Variants in PCDHGA6 observed in about 807,000 individuals in gnomAD.
The protein encoded by PCDHGA6 is protocadherin gamma subfamily A, 6, also known as protocadherin gamma-A6.
PCDHGA6 carries 41 observed loss-of-function variants against 60.6 expected under a neutral mutation model. The observed-to-expected ratio is 0.68, with a 90% CI of 0.53 to 0.88. The LOEUF (loss-of-function observed/expected upper bound fraction) is 0.88, where lower values mean the gene tolerates loss of function less well. PCDHGA6 is among the 40% of genes least tolerant of loss of function. The probability of loss-of-function intolerance (pLI) is 0.00; values close to 1 mark genes in which losing one functional copy is unlikely to be tolerated. For synonymous variants in PCDHGA6, 594 were observed against 524.4 expected (o/e 1.13, Z -1.81); for missense variants, 1,312 against 1,203.0 (o/e 1.09, Z -1.34).
At position 141,486,609 on chromosome 5, in the gene PCDHGA6, C is replaced by T; in HGVS notation, c.2425-8198C>T. The T allele has an allele frequency of 6.2e-7, 1 of 1,613,568 alleles. No homozygotes were observed. ...GGGGACCTGCTTTGCTCCCTTGCAG[C>T]CTCTGACCCAGACTCTGGCTTGAAT... On this transcript the variant is annotated intron_variant, in intron 1 of 3. Transcript: ENST00000517434. The surrounding 1 kb of genome is among the most constrained non-coding windows in gnomAD (Gnocchi z 5.0).
Position 141,485,094 on chromosome 5 carries a change from C to A in PCDHGA6, c.2425-9713C>A. ...GGCGCGGGGAAAGGGAGATAGGTGT[C>A]TCCAGCTGCTGTGGCTGTTTGGGGC... On this transcript the variant is annotated intron_variant, in intron 1 of 3. Coordinates refer to ENST00000517434, the MANE Select transcript of PCDHGA6 (RefSeq NM_018919.3). The surrounding 1 kb of genome is among the most constrained non-coding windows in gnomAD (Gnocchi z 5.7). 9.1e-7 allele frequency: 1 copy of A among 1,100,766 alleles called. No individual in the cohort carries two copies. Among genetic ancestry groups the A allele is most frequent in the Non-Finnish European group, 1.4e-6 (1 of 736,922 alleles). The allele number at this position is 1,100,766 out of a possible 1,614,324, so 68.2% of individuals were successfully genotyped here. A position where few individuals can be genotyped will look rare whatever the true frequency, so the allele number is the denominator to read the frequency against.
At chr5:141,497,703 C>T (rs995815060) in intron 2 of PCDHGA6, among the ~76,000 whole-genome samples, 16 of 152,134 alleles carry the variant, frequency 1.1e-4, no homozygotes, top group African/African-American at 3.9e-4. Context: ...CCACACCCAG[C>T]TCATTTTTGT....
At chr5:141,422,206 G>C (rs1269700250) in intron 1 of PCDHGA6, 2 of 1,562,442 alleles carry the variant, frequency 1.3e-6, no homozygotes, top group East Asian at 4.5e-5. Context: ...AGATGGTGGA[G>C]GTCTCTTTAC....
intron 1 of PCDHGA6, chr5:141,394,893 G>T: frequency 4.3e-6 from 7 of 1,613,858 alleles, no homozygotes; most frequent in Non-Finnish European, 5.9e-6. Flanking sequence ...ACTCTATCTC[G>T]TGGTGGCAGT....
intron 1 of PCDHGA6, chr5:141,416,429 G>A (rs952059043): frequency 1.3e-5 from 2 of 152,144 alleles, no homozygotes; most frequent in African/African-American, 4.8e-5. Flanking sequence ...AGTGACTAAG[G>A]CTGAAAGTAA....
rs747671382 is a variant in PCDHGA6 at position 141,444,152 on chromosome 5, A to ATTTTTTTTTT, written c.2425-50628_2425-50619dup. 1.8e-4 allele frequency among the ~76,000 whole-genome samples: 6 copies of ATTTTTTTTTT among 33,898 alleles called. 2 individuals are homozygous for ATTTTTTTTTT. Among genetic ancestry groups the ATTTTTTTTTT allele is most frequent in the Non-Finnish European group, 3.1e-4 (6 of 19,312 alleles). The allele number at this position is 33,898 out of a possible 152,430, so 22.2% of individuals were successfully genotyped here. A position where few individuals can be genotyped will look rare whatever the true frequency, so the allele number is the denominator to read the frequency against. On this transcript the variant is annotated intron_variant, in intron 1 of 3. Coordinates refer to ENST00000517434, the MANE Select transcript of PCDHGA6 (RefSeq NM_018919.3). ...GATATGTGTCACTTGTGTGTACTGG[A>ATTTTTTTTTT]TTTTTTTTTTTTTTTTTTTTTTTTT...
chr5:141,400,736 G>A, intron 1 of PCDHGA6: 1 of 630,462 alleles, frequency 1.6e-6, no homozygotes, highest in Non-Finnish European at 2.7e-6. Context: ...AGTAGTGAGA[G>A]TTTGCTCTTA....
At chr5:141,403,046 C>T in intron 1 of PCDHGA6, 1 of 1,614,056 alleles carries the variant, frequency 6.2e-7, no homozygotes, top group Non-Finnish European at 8.5e-7. Flanking sequence ...CAGTCAGATT[C>T]GCTACTCAGT....
intron 1 of PCDHGA6, chr5:141,385,782 T>G (rs1169105462): frequency 6.2e-6 from 1 of 160,564 alleles, no homozygotes; most frequent in Non-Finnish European, 1.3e-5. Context: ...TCCATGTACC[T>G]CAGCTTGGTG....
rs1771805917 is a variant in PCDHGA6, at chr5:141,375,724, A to T, written c.1641A>T (p.Ser547=). Residue 547 remains serine (S), a synonymous_variant, in exon 1 of 4, where the codon TCA becomes TCT. Coordinates refer to ENST00000517434, the MANE Select transcript of PCDHGA6 (RefSeq NM_018919.3). ...ACCCGCCTCTTAGCAGCAACGTGTC[A>T]CTGAGCCTGTTTGTGCTGGACCAGA... ...SGDPPLSSNV[S]LSLFVLDQND... The T allele has an allele frequency of 6.2e-7, 1 of 1,614,144 alleles. No individual in the cohort carries two copies. Among genetic ancestry groups the T allele is most frequent in the Non-Finnish European group, 8.5e-7 (1 of 1,180,042 alleles).
At chr5:141,455,534 A>G (rs985347185) in intron 1 of PCDHGA6, among the ~76,000 whole-genome samples, 1 of 152,178 alleles carries the variant, frequency 6.6e-6, no homozygotes, top group Non-Finnish European at 1.5e-5. Flanking sequence ...GACCAGGCAT[A>G]TCATTCACGT....
At chr5:141,404,488 T>C (rs3749770) in intron 1 of PCDHGA6, 387,354 of 1,612,960 alleles carry the variant, frequency 0.24, 50,449 homozygotes, top group African/African-American at 0.51. Flanking sequence ...CAGACACTGG[T>C]GTGCTGTATG....
In PCDHGA6 at chr5:141,423,089, G is replaced by C. The variant is rs201821221; in HGVS notation, c.2424+46582G>C. The stretch of plus-strand genomic sequence containing the variant: ...AGCGAGCCGGGACTCTTCGCGGTGG[G>C]GGAGCACACGGGCGAGGTGCGTACA... On this transcript the variant is annotated intron_variant, in intron 1 of 3. Transcript: ENST00000517434. 4.0e-5 allele frequency: 65 copies of C among 1,614,016 alleles called. No individual in the cohort carries two copies. In the African/African-American group the frequency reaches 7.2e-4, roughly 18 times the overall value.
At chr5:141,379,014 T>C (rs1440666109) in intron 1 of PCDHGA6, 2 of 152,222 alleles carry the variant, frequency 1.3e-5, no homozygotes, top group South Asian at 4.1e-4. Context: ...TCTCCAGTCA[T>C]GAGTTGGAAG....
At chr5:141,413,648 TC>T in intron 1 of PCDHGA6, 1 of 1,613,820 alleles carries the variant, frequency 6.2e-7, no homozygotes, top group Non-Finnish European at 8.5e-7. Context: ...CGTTTTCCTC[TC>T]CCGGAAGCTA....
chr5:141,488,866 G>C (rs957501628), intron 1 of PCDHGA6, among the ~76,000 whole-genome samples: 1 of 152,148 alleles, frequency 6.6e-6, no homozygotes, highest in East Asian at 1.9e-4. Context: ...GAAGTGAGTG[G>C]GGAGGTAGGA....
chr5:141,473,163 G>T (rs1379230893), intron 1 of PCDHGA6, among the ~76,000 whole-genome samples: 2 of 152,160 alleles, frequency 1.3e-5, no homozygotes, highest in Non-Finnish European at 1.5e-5. Flanking sequence ...GGGCTAGGAA[G>T]GCCCACTGGT....
At position 141,427,779 on chromosome 5, in the gene PCDHGA6, C is replaced by T. The variant is rs1196661076; in HGVS notation, c.2424+51272C>T. On this transcript the variant is annotated intron_variant, in intron 1 of 3. Transcript: ENST00000517434. Reference sequence around the variant, plus strand: ...TACCACTGACTTGGAGCTGCGGGCACTGTCGTCCTACGTGTCCGTGAGCGC... The same window carrying T: ...TACCACTGACTTGGAGCTGCGGGCATTGTCGTCCTACGTGTCCGTGAGCGC... 2.1e-6 allele frequency: 3 copies of T among 1,454,498 alleles called. No individual in the cohort carries two copies. The East Asian group carries it at 6.8e-5, about 33-fold the overall frequency. The allele number at this position is 1,454,498 out of a possible 1,614,324, so 90.1% of individuals were successfully genotyped here. A position where few individuals can be genotyped will look rare whatever the true frequency, so the allele number is the denominator to read the frequency against.
At chr5:141,421,252 G>A in intron 1 of PCDHGA6, 1 of 1,607,158 alleles carries the variant, frequency 6.2e-7, no homozygotes, top group Non-Finnish European at 8.5e-7. Context: ...ACAGCGCGGG[G>A]ACCGCAGTCG....
Sources: allele counts gnomAD v4.1 joint callset (sites outside exome capture counted in the v4.1 genomes callset), GRCh38; gene constraint gnomAD v4.1.1; non-coding constraint Gnocchi (gnomAD v3.1); transcripts MANE v1.5; gene names NCBI Gene and HGNC (gene_info 2026-07-23, HGNC 2026-07-21).